CAPN1: variants seen among roughly 807,000 people sequenced by gnomAD.
CAPN1 encodes the protein calpain-1 catalytic subunit.
CAPN1 carries 77 observed loss-of-function variants against 105.2 expected under a neutral mutation model. That is an observed-to-expected ratio of 0.73 (90% confidence interval 0.61 to 0.88). The LOEUF is 0.88. Among genes scored for constraint, CAPN1 ranks in the 40% least tolerant of loss-of-function variants. The pLI is 0.00. For synonymous variants in CAPN1, 355 were observed against 388.8 expected (o/e 0.91, Z 1.02); for missense variants, 833 against 976.6 (o/e 0.85, Z 1.96).
rs1430454695 is a variant in CAPN1 at position 65,208,087 on chromosome 11, C to T, written c.1638C>T (p.Asn546=). The T allele has an allele frequency of 6.2e-7, 1 of 1,606,714 alleles. No homozygotes were observed. Among genetic ancestry groups the T allele is most frequent in the Middle Eastern group, 1.7e-4 (1 of 5,992 alleles). Residue 546 remains asparagine, a synonymous_variant, in exon 15 of 22, where the codon AAC becomes AAT. Transcript: ENST00000279247. This position sits in a 1 kb window ranked among gnomAD's most constrained non-coding sequence, Gnocchi z 4.1. Reference sequence around the variant, plus strand: ...TCTCAGAAGAGGAGATTGACGAGAACTTCAAGGCCCTCTTCAGGCAGCTGG... The same window carrying T: ...TCTCAGAAGAGGAGATTGACGAGAATTTCAAGGCCCTCTTCAGGCAGCTGG... ...QVLSEEEIDE[N]FKALFRQLAG...
chr11:65,211,207 G>A (rs1167920951), intron 21 of CAPN1, 53 bp from the exon 22 acceptor site: 2 of 1,605,126 alleles, frequency 1.2e-6, no homozygotes, highest in Admixed American at 1.7e-5. Flanking sequence ...GGGTGGGGAA[G>A]AAGCCAGGGA....
rs201613582 is a variant in CAPN1 at position 65,182,890 on chromosome 11, G to C, written c.189G>C (p.Pro63=). ...GTLFRDEAFP[P]VPQSLGYKDL... is the part of the protein sequence containing the mutation. ...TCTTCCGTGATGAGGCCTTCCCCCC[G>C]GTACCCCAGAGCCTGGGTTACAAGG... Residue 63 remains proline (P), a synonymous_variant, in exon 2 of 22, where the codon CCG becomes CCC. Transcript: ENST00000279247. The C allele has an allele frequency of 3.3e-4, 530 of 1,606,204 alleles. No homozygotes were observed. The highest frequency in any genetic ancestry group is 3.8e-4 in the Non-Finnish European group (445 of 1,176,754).
chr11:65,198,211 G>T (rs1012027902), intron 10 of CAPN1, among the ~76,000 whole-genome samples: 1 of 151,608 alleles, frequency 6.6e-6, no homozygotes, highest in Non-Finnish European at 1.5e-5. Context: ...CGTGATCTCA[G>T]CTCACTGCAA....
In CAPN1 at chr11:65,210,929, T is replaced by C; in HGVS notation, c.2118+57T>C. On this transcript the variant is annotated intron_variant, in intron 21 of 21. Coordinates refer to ENST00000279247, the MANE Select transcript of CAPN1 (RefSeq NM_005186.4). The surrounding 1 kb of genome is among the most constrained non-coding windows in gnomAD (Gnocchi z 4.3). ...AGAGTTCCAGGCGATCGAATTTTCT[T>C]ATCTGGCCAGTGTTCCCTGTCCTTT... The C allele has an allele frequency of 1.4e-6, 2 of 1,438,218 alleles. No individual in the cohort carries two copies. The highest frequency in any genetic ancestry group is 2.0e-6 in the Non-Finnish European group (2 of 1,020,104). 89.1% of individuals were successfully genotyped at this position (1,438,218 alleles called of 1,614,324 possible).
At chr11:65,204,544 A>G (rs1467854715) in intron 10 of CAPN1, 139 bp from the exon 11 acceptor site, 4 of 784,834 alleles carry the variant, frequency 5.1e-6, no homozygotes, top group Non-Finnish European at 6.1e-6. Flanking sequence ...CAGCCTGCCC[A>G]TCACCCTGCA....
chr11:65,191,839 G>A (rs1948722868), intron 10 of CAPN1, among the ~76,000 whole-genome samples: 3 of 151,616 alleles, frequency 2.0e-5, no homozygotes, highest in Admixed American at 2.0e-4. Context: ...CTTATTTTTA[G>A]GAGCAACCCT....
rs1243666525 is a variant in CAPN1 at position 65,210,808 on chromosome 11, A to G, written c.2060-6A>G. The G allele has an allele frequency of 1.2e-6, 2 of 1,612,984 alleles. No homozygotes were observed. Among genetic ancestry groups the G allele is most frequent in the African/African-American group, 2.7e-5 (2 of 74,898 alleles). ...AGCCCTGTATCACCTTTTCTTGAAC[A>G]CACAGGATTTTTCAAAACTCTGGAC... is the stretch of plus-strand genomic sequence containing the variant. On this transcript the variant is annotated splice_region_variant and splice_polypyrimidine_tract_variant and intron_variant, in intron 20 of 21. Coordinates refer to ENST00000279247, the MANE Select transcript of CAPN1 (RefSeq NM_005186.4). This position sits in a 1 kb window ranked among gnomAD's most constrained non-coding sequence, Gnocchi z 4.3.
intron 7 of CAPN1, chr11:65,187,586 G>A (rs1309433552): frequency 1.7e-5 from 9 of 515,448 alleles, no homozygotes; most frequent in Admixed American, 3.3e-5. Context: ...GGGAGGCGGA[G>A]TGTTAAAGTG....
Position 65,188,012 on chromosome 11 carries a change from G to T in CAPN1, c.901G>T (p.Val301Leu). ...CCGGATGCGGAACCCCTGGGGCGAG[G>T]TGGAGTGGACGGGAGCCTGGAGCGA... ...LIRMRNPWGE[V>L]EWTGAWSDSS... Residue 301 changes from valine (V) to leucine (L), a missense_variant, in exon 8 of 22, where the codon GTG becomes TTG. Transcript: ENST00000279247. This position sits in a 1 kb window ranked among gnomAD's most constrained non-coding sequence, Gnocchi z 5.5. 1 of 1,561,798 alleles carries T rather than the reference G, an allele frequency of 6.4e-7. No individual in the cohort carries two copies.
chr11:65,181,575 C>A (rs1396671283), upstream of CAPN1: 1 of 414,692 alleles, frequency 2.4e-6, no homozygotes, highest in Admixed American at 2.6e-5. The surrounding 1 kb of genome is among the most constrained non-coding windows in gnomAD (Gnocchi z 4.6). Context: ...TGCGGCCGTC[C>A]GGCCCTGCAA....
In CAPN1 at chr11:65,204,827, A is replaced by C; in HGVS notation, c.1310A>C (p.Asp437Ala). 1 of 1,611,898 alleles carries C rather than the reference A, an allele frequency of 6.2e-7. No individual in the cohort carries two copies. Among genetic ancestry groups the C allele is most frequent in the South Asian group, 1.1e-5 (1 of 91,058 alleles). The change falls in exon 11 of 22, where the codon GAC (aspartate) becomes GCC (alanine). Residue 437 changes from aspartate (D) to alanine (A), a missense_variant. Physicochemically the swap from Asp to Ala is moderately radical, Grantham distance 126. Transcript: ENST00000279247. The part of the protein sequence containing the change: ...HRRRERRFGR[D>A]METIGFAVYE... ...CGCCGCGAGCGCCGCTTCGGCCGCG[A>C]CATGGAGACTATTGGCTTCGCGGTC...
chr11:65,183,649 G>A (rs1416637208), intron 4 of CAPN1, 57 bp downstream of exon 4: 1 of 1,218,080 alleles, frequency 8.2e-7, no homozygotes, highest in Non-Finnish European at 1.2e-6. Context: ...GCGGAAGGAT[G>A]ACCCACAATA....
chr11:65,210,683 C>T lies in CAPN1; in HGVS notation c.2060-131C>T, dbSNP rs1395080767. The T allele has an allele frequency of 1.2e-6, 1 of 804,806 alleles. No individual in the cohort carries two copies. The highest frequency in any genetic ancestry group is 2.2e-6 in the Non-Finnish European group (1 of 459,776). The allele number at this position is 804,806 out of a possible 1,614,324, so 49.9% of individuals were successfully genotyped here. A position where few individuals can be genotyped will look rare whatever the true frequency, so the allele number is the denominator to read the frequency against. ...AGCAGGAAGGGGTGAAGCTTCCCAG[C>T]TTCAAGGGGTGTCAGCTTGCGGTAC... On this transcript the variant is annotated intron_variant, in intron 20 of 21. Coordinates refer to ENST00000279247, the MANE Select transcript of CAPN1 (RefSeq NM_005186.4). This position sits in a 1 kb window ranked among gnomAD's most constrained non-coding sequence, Gnocchi z 4.3.
At chr11:65,189,276 C>T (rs1423274411) in intron 10 of CAPN1, among the ~76,000 whole-genome samples, 1 of 152,216 alleles carries the variant, frequency 6.6e-6, no homozygotes, top group Non-Finnish European at 1.5e-5. Flanking sequence ...CCACCTTGGC[C>T]TCCCAAAGTG....
Position 65,188,051 on chromosome 11 carries a change from G to A in CAPN1, c.929+11G>A, listed in dbSNP as rs937689471. 6.5e-7 allele frequency: 1 copy of A among 1,541,636 alleles called. No homozygotes were observed. On this transcript the variant is annotated intron_variant, in intron 8 of 21. Coordinates refer to ENST00000279247, the MANE Select transcript of CAPN1 (RefSeq NM_005186.4). The surrounding 1 kb of genome is among the most constrained non-coding windows in gnomAD (Gnocchi z 5.5). ...AGCCTGGAGCGACAGGTGAGGGGCA[G>A]TGGGCACTGTCTGGAGTGCCTTGGG...
In CAPN1 at chr11:65,188,808, C is replaced by G. The variant is rs1948680036; in HGVS notation, c.1165+62C>G. 9.5e-6 allele frequency: 13 copies of G among 1,374,912 alleles called. No homozygotes were observed. The South Asian group carries it at 1.6e-4, about 17-fold the overall frequency. 85.2% of individuals were successfully genotyped at this position (1,374,912 alleles called of 1,614,324 possible). A position where few individuals can be genotyped will look rare whatever the true frequency, so the allele number is the denominator to read the frequency against. On this transcript the variant is annotated intron_variant, in intron 10 of 21. Coordinates refer to ENST00000279247, the MANE Select transcript of CAPN1 (RefSeq NM_005186.4). The surrounding 1 kb of genome is among the most constrained non-coding windows in gnomAD (Gnocchi z 5.5). The stretch of plus-strand genomic sequence containing the variant: ...GGCTTAGGGGCTCCAGAAGGCACGT[C>G]ATCTTACTGAGCCTCCGTTTCCTCA...
chr11:65,205,531 C>A (rs1948943699), intron 11 of CAPN1, among the ~76,000 whole-genome samples, 179 bp from the exon 12 acceptor site: 1 of 152,112 alleles, frequency 6.6e-6, no homozygotes, highest in South Asian at 2.1e-4. Context: ...CCTGCCTGAG[C>A]CCTCCCTCCT....
At position 65,210,405 on chromosome 11, in the gene CAPN1, A is replaced by G; in HGVS notation, c.2012A>G (p.Asp671Gly). The G allele has an allele frequency of 6.2e-7, 1 of 1,613,380 alleles. No individual in the cohort carries two copies. Among genetic ancestry groups the G allele is most frequent in the Non-Finnish European group, 8.5e-7 (1 of 1,179,740 alleles). Residue 671 changes from aspartate (D) to glycine (G), a missense_variant, in exon 20 of 22, where the codon GAC (aspartate) becomes GGC (glycine). Physicochemically the swap from Asp to Gly is moderately conservative, Grantham distance 94 (BLOSUM62 -1). Coordinates refer to ENST00000279247, the MANE Select transcript of CAPN1 (RefSeq NM_005186.4). This position sits in a 1 kb window ranked among gnomAD's most constrained non-coding sequence, Gnocchi z 4.3. ...TACTCGGAGCCCGACCTGGCGGTCG[A>G]CTTTGACAATTTCGTTTGCTGCCTG... is the stretch of plus-strand genomic sequence containing the variant. The part of the protein sequence containing the change: ...TRYSEPDLAV[D>G]FDNFVCCLVR...
In CAPN1 at chr11:65,187,988, C is replaced by T. The variant is rs368843790; in HGVS notation, c.877C>T (p.Arg293Trp). 7.4e-5 allele frequency: 116 copies of T among 1,562,694 alleles called. No individual in the cohort carries two copies. Among genetic ancestry groups the T allele is most frequent in the Admixed American group, 9.5e-5 (5 of 52,600 alleles). The change falls in exon 8 of 22, where the codon CGG (arginine) becomes TGG (tryptophan). Residue 293 changes from arginine (R) to tryptophan (W), a missense_variant. Transcript: ENST00000279247. ...CCGAGGCCAGGTGGTGAGCCTGATC[C>T]GGATGCGGAACCCCTGGGGCGAGGT... ...NYRGQVVSLIRMRNPWGEVEW... is the reference protein window; with the variant it reads ...NYRGQVVSLIWMRNPWGEVEW...
Sources: allele counts gnomAD v4.1 joint callset (sites outside exome capture counted in the v4.1 genomes callset), GRCh38; gene constraint gnomAD v4.1.1; non-coding constraint Gnocchi (gnomAD v3.1); transcripts MANE v1.5; gene names NCBI Gene and HGNC (gene_info 2026-07-23, HGNC 2026-07-21).